The following NAV3 variants were observed in gnomAD, a reference collection of about 807,000 sequenced individuals.
NAV3 encodes pore membrane and/or filament interacting like protein 1.
A neutral mutation model predicts 244.7 loss-of-function variants in NAV3; 87 were observed. The ratio of observed to expected loss-of-function variants is 0.36; its 90% confidence interval spans 0.30 to 0.42. The LOEUF is 0.42. NAV3 is among the 20% of genes least tolerant of loss of function. The pLI, the probability that NAV3 is intolerant of heterozygous loss-of-function variation, is 1.00. For synonymous variants in NAV3, 1,126 were observed against 1,042.2 expected (o/e 1.08, Z -1.55); for missense variants, 2,663 against 2,893.3 (o/e 0.92, Z 1.83).
chr12:78,070,628 T>G (rs1952710428), intron 12 of NAV3, among the ~76,000 whole-genome samples: 1 of 151,694 alleles, frequency 6.6e-6, no homozygotes, highest in Admixed American at 6.6e-5. Flanking sequence ...TGTATACATG[T>G]GCCATGCTGG....
chr12:77,631,969 A>G (rs1266854004), intron 2 of NAV3, among the ~76,000 whole-genome samples: 1 of 152,158 alleles, frequency 6.6e-6, no homozygotes, highest in African/African-American at 2.4e-5. Context: ...TTTTCCAGTC[A>G]TTGACTGGGT....
At chr12:77,878,619 C>A (rs1882179513) in intron 1 of NAV3, among the ~76,000 whole-genome samples, 1 of 150,782 alleles carries the variant, frequency 6.6e-6, no homozygotes, top group Admixed American at 6.6e-5. Context: ...GGGTACTGAG[C>A]ATATGGAAAC....
intron 2 of NAV3, among the ~76,000 whole-genome samples, chr12:77,769,472 T>A (rs1248333452): frequency 6.6e-6 from 1 of 152,208 alleles, no homozygotes; most frequent in South Asian, 2.1e-4. Context: ...TTGATCTGTT[T>A]TGTAAAGTTG....
chr12:78,132,248 T>A (rs1200081211), intron 18 of NAV3, among the ~76,000 whole-genome samples: 1 of 152,198 alleles, frequency 6.6e-6, no homozygotes, highest in African/African-American at 2.4e-5. Context: ...ATACTTTTAC[T>A]GACAACAAAG....
intron 2 of NAV3, among the ~76,000 whole-genome samples, chr12:77,595,560 G>T (rs1048701932): frequency 6.6e-6 from 1 of 152,036 alleles, no homozygotes; most frequent in East Asian, 1.9e-4. Flanking sequence ...AAAAATAACT[G>T]GGAGAAGATG....
chr12:78,024,235 T>C (rs1276091271), intron 9 of NAV3, among the ~76,000 whole-genome samples: 2 of 152,170 alleles, frequency 1.3e-5, no homozygotes, highest in African/African-American at 4.8e-5. Context: ...TCTCACTTAA[T>C]TGTACTCATT....
intron 12 of NAV3, among the ~76,000 whole-genome samples, chr12:78,099,047 G>A (rs1954405840): frequency 6.6e-6 from 1 of 150,654 alleles, no homozygotes; most frequent in African/African-American, 2.4e-5. Flanking sequence ...CATCTGCAGT[G>A]TTTCAAATGT....
At chr12:77,911,578 C>T (rs144455352) in intron 1 of NAV3, among the ~76,000 whole-genome samples, 352 of 152,166 alleles carry the variant, frequency 2.3e-3, no homozygotes, top group African/African-American at 7.7e-3. Flanking sequence ...TATGCAAAAA[C>T]ATCAATTATT....
chr12:77,602,637 G>A (rs1313788759), intron 2 of NAV3, among the ~76,000 whole-genome samples: 1 of 151,772 alleles, frequency 6.6e-6, no homozygotes, highest in East Asian at 1.9e-4. Flanking sequence ...GGGGAGATGG[G>A]CAGACAGATA....
intron 21 of NAV3, among the ~76,000 whole-genome samples, chr12:78,148,445 CTT>C (rs1227318228): frequency 6.6e-6 from 1 of 151,786 alleles, no homozygotes; most frequent in Non-Finnish European, 1.5e-5. Context: ...CATGGAGTAT[CTT>C]TTACTAAAAA....
Position 78,005,927 on chromosome 12 carries a change from G to T in NAV3, c.881-492G>T, listed in dbSNP as rs142359958. Among the ~76,000 whole-genome samples the T allele has an allele frequency of 3.5e-3, 522 of 149,966 alleles. 1 individual carries two copies. The highest frequency in any genetic ancestry group is 0.012 in the African/African-American group (508 of 40,884). ...AATATCATAAATAACTTTTTTTTTTGAGAGAGAGTCTTGCTCTGTCATCCA... is the reference window on the plus strand; with the variant it reads ...AATATCATAAATAACTTTTTTTTTTTAGAGAGAGTCTTGCTCTGTCATCCA... On this transcript the variant is annotated intron_variant, in intron 7 of 39. Coordinates refer to ENST00000397909, the MANE Select transcript of NAV3 (RefSeq NM_001024383.2).
chr12:77,651,017 A>T (rs1417193871), intron 2 of NAV3, among the ~76,000 whole-genome samples: 1 of 152,094 alleles, frequency 6.6e-6, no homozygotes, highest in Non-Finnish European at 1.5e-5. Context: ...AATCCTTATA[A>T]TGACTCAGTT....
intron 3 of NAV3, among the ~76,000 whole-genome samples, chr12:77,958,988 G>A (rs1031589439): frequency 2.0e-5 from 3 of 152,094 alleles, no homozygotes; most frequent in African/African-American, 7.2e-5. Flanking sequence ...AAAGGAATAC[G>A]TGTTTTAATA....
At chr12:77,789,626 A>G (rs1475616115) in intron 2 of NAV3, among the ~76,000 whole-genome samples, 1 of 151,936 alleles carries the variant, frequency 6.6e-6, no homozygotes, top group African/African-American at 2.4e-5. Context: ...CCTGGCCAAC[A>G]TGATGAAGCC....
intron 8 of NAV3, among the ~76,000 whole-genome samples, chr12:78,015,034 G>C (rs529547754): frequency 6.6e-6 from 1 of 152,200 alleles, no homozygotes; most frequent in Admixed American, 6.6e-5. Flanking sequence ...CTTTTGTGTA[G>C]AATACTACCA....
rs115755945 is a variant in NAV3, at chr12:77,601,838, G to A, written c.72+29572G>A. The stretch of plus-strand genomic sequence containing the variant: ...GGGCTTAAGCAGTATCCATGCAATT[G>A]GACAAAAGAAATGGATTTGAGAGCT... On this transcript the variant is annotated intron_variant, in intron 2 of 8. Coordinates refer to the NAV3 transcript ENST00000550042. Among the ~76,000 whole-genome samples, 60 of 152,024 alleles carry A rather than the reference G, an allele frequency of 3.9e-4. 1 individual carries two copies. The highest frequency in any genetic ancestry group is 1.4e-3 in the African/African-American group (59 of 41,520).
chr12:77,597,898 C>T (rs1199571099), intron 2 of NAV3, among the ~76,000 whole-genome samples: 1 of 151,960 alleles, frequency 6.6e-6, no homozygotes, highest in Non-Finnish European at 1.5e-5. Context: ...AAGGAGAAAG[C>T]AAGCCTCCCT....
intron 2 of NAV3, among the ~76,000 whole-genome samples, chr12:77,661,649 A>G (rs539444640): frequency 1.3e-4 from 20 of 151,950 alleles, no homozygotes; most frequent in Non-Finnish European, 2.7e-4. Context: ...ATTTTCTCCT[A>G]TTTCTTCTGG....
intron 2 of NAV3, among the ~76,000 whole-genome samples, chr12:77,613,577 C>T (rs1006525286): frequency 2.6e-5 from 4 of 152,016 alleles, no homozygotes; most frequent in Non-Finnish European, 2.9e-5. Flanking sequence ...CAGAGTACAG[C>T]GAAGGGAAAT....
Sources: allele counts gnomAD v4.1 joint callset (sites outside exome capture counted in the v4.1 genomes callset), GRCh38; gene constraint gnomAD v4.1.1; transcripts MANE v1.5; gene names NCBI Gene and HGNC (gene_info 2026-07-23, HGNC 2026-07-21).